Variants in RNGTT observed in about 807,000 individuals in gnomAD.
RNGTT encodes mRNA-capping enzyme.
Under a neutral mutation model 79.3 loss-of-function variants are expected in RNGTT, and 33 were observed. That is an observed-to-expected ratio of 0.42 (90% confidence interval 0.32 to 0.56). The LOEUF is 0.56. Ranked by LOEUF, RNGTT falls within the 20% of genes least tolerant of loss-of-function variation. RNGTT has a pLI of 0.17. For missense variants in RNGTT, 497 were observed against 739.1 expected (o/e 0.67, Z 3.80); for synonymous variants, 222 against 235.9 (o/e 0.94, Z 0.54).
chr6:88,756,789 G>A (rs962718747), intron 13 of RNGTT, among the ~76,000 whole-genome samples: 1 of 152,114 alleles, frequency 6.6e-6, no homozygotes, highest in Non-Finnish European at 1.5e-5. Context: ...AAAAAACATG[G>A]CTTTGGGGTT....
chr6:88,918,287 C>T (rs1038382552), intron 4 of RNGTT, among the ~76,000 whole-genome samples: 3 of 152,204 alleles, frequency 2.0e-5, no homozygotes, highest in African/African-American at 7.2e-5. Context: ...TGCACCACTG[C>T]ACTCCAGCCT....
At chr6:88,732,332 C>G (rs537418204) in intron 13 of RNGTT, among the ~76,000 whole-genome samples, 3 of 152,076 alleles carry the variant, frequency 2.0e-5, no homozygotes, top group African/African-American at 7.2e-5. Context: ...CAATGAGATC[C>G]CAGTTTACAC....
intron 8 of RNGTT, among the ~76,000 whole-genome samples, chr6:88,883,786 CTT>C (rs1582580486): frequency 6.6e-6 from 1 of 152,092 alleles, no homozygotes; most frequent in Non-Finnish European, 1.5e-5. Context: ...AATTAATAAA[CTT>C]GACTTCATAA....
intron 13 of RNGTT, among the ~76,000 whole-genome samples, chr6:88,704,641 G>T (rs527345790): frequency 6.6e-6 from 1 of 152,240 alleles, no homozygotes; most frequent in African/African-American, 2.4e-5. Flanking sequence ...AAGAAGTTTG[G>T]TTAAGGATAA....
chr6:88,905,745 T>C (rs905741178), intron 5 of RNGTT, among the ~76,000 whole-genome samples: 1 of 151,114 alleles, frequency 6.6e-6, no homozygotes, highest in African/African-American at 2.5e-5. Context: ...ATACAAAATA[T>C]TGGAAGAATC....
chr6:88,780,172 C>A (rs1020313000), intron 12 of RNGTT, among the ~76,000 whole-genome samples: 1 of 152,056 alleles, frequency 6.6e-6, no homozygotes, highest in African/African-American at 2.4e-5. Flanking sequence ...TACAAAACAC[C>A]TAGTAAAATG....
intron 13 of RNGTT, among the ~76,000 whole-genome samples, chr6:88,686,315 A>G (rs985907394): frequency 5.3e-5 from 8 of 152,078 alleles, no homozygotes; most frequent in Non-Finnish European, 1.0e-4. Flanking sequence ...ACATGTTCAT[A>G]GGTAGGAAAT....
At chr6:88,903,697 T>G (rs1189301713) in intron 6 of RNGTT, among the ~76,000 whole-genome samples, 1 of 152,218 alleles carries the variant, frequency 6.6e-6, no homozygotes, top group Non-Finnish European at 1.5e-5. Context: ...AAGCATTTAC[T>G]TCCTTGCCTG....
chr6:88,699,819 A>G (rs1308658151), intron 13 of RNGTT, among the ~76,000 whole-genome samples: 1 of 152,236 alleles, frequency 6.6e-6, no homozygotes, highest in South Asian at 2.1e-4. Flanking sequence ...AGACACAAAA[A>G]GACAAATATT....
At chr6:88,653,836 T>C (rs1773882162) in intron 14 of RNGTT, among the ~76,000 whole-genome samples, 2 of 152,222 alleles carry the variant, frequency 1.3e-5, no homozygotes, top group Admixed American at 6.5e-5. Context: ...ATGCTGAGGA[T>C]ACAGAAGTGG....
chr6:88,831,239 C>T (rs910922782), intron 11 of RNGTT, among the ~76,000 whole-genome samples: 2 of 152,212 alleles, frequency 1.3e-5, no homozygotes, highest in African/African-American at 2.4e-5. Context: ...AACTTATCCA[C>T]CACGATCAAG....
intron 13 of RNGTT, among the ~76,000 whole-genome samples, chr6:88,725,040 A>G (rs1776842439): frequency 6.6e-6 from 1 of 152,194 alleles, no homozygotes. Context: ...CTATAGAAGT[A>G]CCTTGCCTTG....
chr6:88,914,478 A>G (rs1783933326), intron 4 of RNGTT, among the ~76,000 whole-genome samples: 1 of 152,092 alleles, frequency 6.6e-6, no homozygotes, highest in Admixed American at 6.5e-5. Flanking sequence ...ACCCAGAAAT[A>G]AAGCCACATA....
rs1260943307 is a variant in RNGTT at position 88,963,379 on chromosome 6, G to C, written c.31C>G (p.Leu11Val). 4 of 1,610,336 alleles carry C rather than the reference G, an allele frequency of 2.5e-6. No individual in the cohort carries two copies. The highest frequency in any genetic ancestry group is 3.4e-6 in the Non-Finnish European group (4 of 1,178,336). MAHNKIPPRWLNCPRRGQPVA... is the reference protein window; with the variant it reads MAHNKIPPRWVNCPRRGQPVA... The stretch of plus-strand genomic sequence containing the variant: ...GGCTGGCCGCGCCGGGGACAGTTCA[G>C]CCACCGCGGCGGGATCTTGTTGTGA... Residue 11 changes from leucine (L) to valine (V), a missense_variant, in exon 1 of 16, where the codon CTG becomes GTG. Physicochemically the swap from Leu to Val is conservative, Grantham distance 32. This residue lies in a region of RNGTT where 440 missense variants were observed against 671.5 expected (regional missense o/e 0.66). Transcript: ENST00000369485.
intron 14 of RNGTT, among the ~76,000 whole-genome samples, chr6:88,618,670 T>A (rs1772324136): frequency 1.3e-5 from 2 of 152,204 alleles, no homozygotes; most frequent in South Asian, 4.1e-4. Context: ...ATATATTTTA[T>A]GTTGAAAAAA....
chr6:88,634,700 A>G (rs544598247), intron 14 of RNGTT, among the ~76,000 whole-genome samples: 15 of 152,258 alleles, frequency 9.9e-5, no homozygotes, highest in South Asian at 8.3e-4. Context: ...CTTCATTAGA[A>G]TAAGTACTAC....
chr6:88,741,578 GTAAAA>G (rs1777493635), intron 13 of RNGTT, among the ~76,000 whole-genome samples: 1 of 151,960 alleles, frequency 6.6e-6, no homozygotes, highest in Non-Finnish European at 1.5e-5. Context: ...CCTCCTGAAT[GTAAAA>G]TAAAAGTTAA....
chr6:88,756,302 A>T (rs1056879981), intron 13 of RNGTT, among the ~76,000 whole-genome samples: 1 of 151,946 alleles, frequency 6.6e-6, no homozygotes, highest in Admixed American at 6.6e-5. Flanking sequence ...GTGAAACCCC[A>T]TCTCTACTAA....
chr6:88,898,780 G>T (rs951627066), intron 6 of RNGTT, among the ~76,000 whole-genome samples: 2 of 148,688 alleles, frequency 1.3e-5, no homozygotes, highest in Non-Finnish European at 3.0e-5. Flanking sequence ...TAACCAAAAA[G>T]TACAGAGCAA....
Sources: allele counts gnomAD v4.1 joint callset (sites outside exome capture counted in the v4.1 genomes callset), GRCh38; gene constraint gnomAD v4.1.1; regional missense constraint gnomAD v4.1.1; transcripts MANE v1.5; gene names NCBI Gene and HGNC (gene_info 2026-07-23, HGNC 2026-07-21).